The following RXFP1 variants were observed in gnomAD, a reference collection of about 807,000 sequenced individuals.
RXFP1 encodes the protein relaxin family peptide receptor 1, also known as relaxin receptor 1.
Under a neutral mutation model 89.8 loss-of-function variants are expected in RXFP1, and 73 were observed. That is an observed-to-expected ratio of 0.81 (90% CI 0.67 to 0.99). RXFP1 has a LOEUF of 0.99. RXFP1 is among the 50% of genes least tolerant of loss of function. The pLI is 0.00. For missense variants in RXFP1, 793 were observed against 895.5 expected, an observed-to-expected ratio of 0.89 and a Z score of 1.46; for synonymous variants, 277 against 305.5, an observed-to-expected ratio of 0.91 and a Z score of 0.97.
intron 2 of RXFP1, among the ~76,000 whole-genome samples, chr4:158,576,603 G>T (rs1756258550): frequency 6.6e-6 from 1 of 152,034 alleles, no homozygotes; most frequent in African/African-American, 2.4e-5. Flanking sequence ...CATGCAAAAT[G>T]GTAGCAACAG....
At chr4:158,527,564 A>AAAATAT (rs5741905) in intron 1 of RXFP1, among the ~76,000 whole-genome samples, 14 of 98,334 alleles carry the variant, frequency 1.4e-4, no homozygotes, top group South Asian at 4.2e-4. Flanking sequence ...AAAAAAAAAA[A>AAAATAT]ATATATATAT....
chr4:158,580,415 G>A (rs1475396013), intron 2 of RXFP1, among the ~76,000 whole-genome samples: 1 of 152,160 alleles, frequency 6.6e-6, no homozygotes, highest in Admixed American at 6.5e-5. Flanking sequence ...CAGAAAAAAT[G>A]TTTAAATGTA....
At chr4:158,646,225 C>A in intron 15 of RXFP1, 1 of 367,816 alleles carries the variant, frequency 2.7e-6, no homozygotes, top group Non-Finnish European at 5.3e-6. Context: ...TAGACCAACT[C>A]TGGTAAGTAA....
chr4:158,601,409 C>G (rs1761667021), intron 4 of RXFP1, among the ~76,000 whole-genome samples: 1 of 152,256 alleles, frequency 6.6e-6, no homozygotes, highest in South Asian at 2.1e-4. Context: ...GTGAGATTAA[C>G]AGGTCACTCA....
chr4:158,617,372 C>T (rs1764787137), intron 9 of RXFP1, among the ~76,000 whole-genome samples, 167 bp downstream of exon 9: 1 of 150,576 alleles, frequency 6.6e-6, no homozygotes. Context: ...TAAACATCTA[C>T]ATTATCTAAA....
At chr4:158,525,711 T>C (rs1742345563) in intron 1 of RXFP1, among the ~76,000 whole-genome samples, 1 of 152,338 alleles carries the variant, frequency 6.6e-6, no homozygotes, top group Middle Eastern at 3.4e-3. Flanking sequence ...TGAGGAACAA[T>C]GTAAGTGCTT....
At position 158,652,219 on chromosome 4, in the gene RXFP1, G is replaced by A; in HGVS notation, c.*164G>A. On this transcript the variant is annotated 3_prime_UTR_variant, in exon 18 of 18. Transcript: ENST00000307765. Reference sequence around the variant, plus strand: ...AAAAATGACTAATGCTCTTACAAAGGGAAGTAATTATATCAATAATGTATA... The same window carrying A: ...AAAAATGACTAATGCTCTTACAAAGAGAAGTAATTATATCAATAATGTATA... The A allele has an allele frequency of 3.6e-6, 2 of 562,636 alleles. No homozygotes were observed. Among genetic ancestry groups the A allele is most frequent in the Non-Finnish European group, 6.0e-6 (2 of 332,304 alleles). 34.9% of individuals were successfully genotyped at this position (562,636 alleles called of 1,614,324 possible). A position where few individuals can be genotyped will look rare whatever the true frequency, so the allele number is the denominator to read the frequency against.
chr4:158,570,059 T>C (rs970622058), intron 1 of RXFP1, among the ~76,000 whole-genome samples: 1 of 152,214 alleles, frequency 6.6e-6, no homozygotes, highest in Non-Finnish European at 1.5e-5. Flanking sequence ...TAAATTAGCT[T>C]GGACACTCAA....
At chr4:158,646,514 A>G in intron 15 of RXFP1, 2 of 1,270,922 alleles carry the variant, frequency 1.6e-6, no homozygotes, top group African/African-American at 1.5e-5. Flanking sequence ...GTCTAGAACA[A>G]TAGACAAGAT....
intron 12 of RXFP1, among the ~76,000 whole-genome samples, 158 bp from the exon 13 acceptor site, chr4:158,637,850 G>T (rs1769504722): frequency 6.6e-6 from 1 of 152,088 alleles, no homozygotes; most frequent in Non-Finnish European, 1.5e-5. Context: ...TTTTCTTCTA[G>T]TCGTTTTATA....
rs867435098 is a variant in RXFP1, at chr4:158,551,266, A to G, written c.50-21432A>G. 3.6e-4 allele frequency among the ~76,000 whole-genome samples: 55 copies of G among 152,340 alleles called. No homozygotes were observed. In the Middle Eastern group the frequency reaches 0.01, roughly 28 times the overall value. Reference sequence around the variant, plus strand: ...TTATATGTAGGATGTGAAGTAGCCAAACTCATAGAAGTAGAGAGTCGAGTG... The same window carrying G: ...TTATATGTAGGATGTGAAGTAGCCAGACTCATAGAAGTAGAGAGTCGAGTG... On this transcript the variant is annotated intron_variant, in intron 1 of 17. Transcript: ENST00000307765.
intron 3 of RXFP1, 68 bp downstream of exon 3, chr4:158,593,567 C>G (rs1210320087): frequency 1.2e-5 from 10 of 805,510 alleles, no homozygotes; most frequent in Non-Finnish European, 1.9e-5. Context: ...AAGTTTGATT[C>G]AACATTTTAA....
chr4:158,556,005 A>G lies in RXFP1; in HGVS notation c.50-16693A>G, dbSNP rs76259040. Among the ~76,000 whole-genome samples, 1,495 of 152,308 alleles carry G rather than the reference A, an allele frequency of 9.8e-3. 23 individuals carry two copies. Among genetic ancestry groups the G allele is most frequent in the African/African-American group, 0.033 (1,382 of 41,572 alleles). On this transcript the variant is annotated intron_variant, in intron 1 of 17. Coordinates refer to ENST00000307765, the MANE Select transcript of RXFP1 (RefSeq NM_021634.4). Reference sequence around the variant, plus strand: ...GAAGAAAACATAAGGGGAATACTTCACCACATTGGGCTTGGCAAAGATTTT... The same window carrying G: ...GAAGAAAACATAAGGGGAATACTTCGCCACATTGGGCTTGGCAAAGATTTT...
intron 1 of RXFP1, among the ~76,000 whole-genome samples, chr4:158,523,510 A>G (rs1190520876): frequency 6.6e-6 from 1 of 152,188 alleles, no homozygotes; most frequent in Non-Finnish European, 1.5e-5. Flanking sequence ...GATGGTGGTG[A>G]TGATGATGCC....
chr4:158,599,827 A>G lies in RXFP1; in HGVS notation c.392+396A>G, dbSNP rs78956367. Among the ~76,000 whole-genome samples the G allele has an allele frequency of 3.5e-3, 529 of 152,332 alleles. 3 individuals carry two copies. The highest frequency in any genetic ancestry group is 0.012 in the African/African-American group (495 of 41,588). ...GAATTTATTGGACCCAAATTTTAAT[A>G]TAATCTGATGTGTAAGTTAAAAAAG... On this transcript the variant is annotated intron_variant, in intron 4 of 17. Transcript: ENST00000307765.
At chr4:158,643,880 A>G (rs1249315169) in intron 14 of RXFP1, among the ~76,000 whole-genome samples, 2 of 152,062 alleles carry the variant, frequency 1.3e-5, no homozygotes, top group Non-Finnish European at 2.9e-5. Flanking sequence ...CCTTTTCTCC[A>G]GATTCTCATC....
intron 6 of RXFP1, among the ~76,000 whole-genome samples, chr4:158,609,813 C>T (rs1201139904): frequency 6.6e-6 from 1 of 152,168 alleles, no homozygotes; most frequent in Non-Finnish European, 1.5e-5. Flanking sequence ...GTCTTCTTTC[C>T]ATATATCTTT....
At chr4:158,576,734 A>G (rs1021799804) in intron 2 of RXFP1, among the ~76,000 whole-genome samples, 4 of 149,470 alleles carry the variant, frequency 2.7e-5, no homozygotes, top group Non-Finnish European at 5.9e-5. Flanking sequence ...GTATGCTAGT[A>G]GTGGCAGTCA....
At chr4:158,530,101 T>C (rs1048143462) in intron 1 of RXFP1, among the ~76,000 whole-genome samples, 3 of 152,334 alleles carry the variant, frequency 2.0e-5, no homozygotes, top group Non-Finnish European at 2.9e-5. Flanking sequence ...TTTAAACAGA[T>C]AAATTTTACT....
Sources: gnomAD v4.1 joint callset for allele counts (sites outside exome capture counted in the v4.1 genomes callset) on GRCh38, gnomAD v4.1.1 for gene constraint, MANE v1.5 for transcripts, NCBI Gene and HGNC (gene_info 2026-07-23, HGNC 2026-07-21) for gene names.